Variants in HEATR5B observed in about 807,000 individuals in gnomAD.
HEATR5B encodes HEAT repeat containing 5B, also known as HEAT repeat-containing protein 5B.
Under a neutral mutation model 224.1 loss-of-function variants are expected in HEATR5B, and 156 were observed. That is an observed-to-expected ratio of 0.70 (90% CI 0.61 to 0.80). HEATR5B has a LOEUF of 0.80. Among genes scored for constraint, HEATR5B ranks in the 30% least tolerant of loss-of-function variants. The pLI, the probability that HEATR5B is intolerant of heterozygous loss-of-function variation, is 0.00. For synonymous variants in HEATR5B, 1,027 were observed against 893.0 expected (o/e 1.15, Z -2.68); for missense variants, 2,323 against 2,535.5 (o/e 0.92, Z 1.80).
At chr2:37,001,573 G>T (rs920328817) in intron 32 of HEATR5B, among the ~76,000 whole-genome samples, 1 of 151,530 alleles carries the variant, frequency 6.6e-6, no homozygotes, top group Non-Finnish European at 1.5e-5. Flanking sequence ...AAGAGGAATT[G>T]TCTTGAGCCA....
In HEATR5B at chr2:37,028,728, A is replaced by C; in HGVS notation, c.3554T>G (p.Leu1185Arg). ...HMLSSLAVEK[L>R]SHWLMLCKDV... ...TTTACAAAGCATTAGCCAATGAGAA[A>C]GTTTTTCTACTGCCAGCGAAGAAAG... The change falls in exon 23 of 36, where the codon CTT (leucine) becomes CGT (arginine). Residue 1185 changes from leucine (L) to arginine (R), a missense_variant. Transcript: ENST00000233099. 1 of 1,614,060 alleles carries C rather than the reference A, an allele frequency of 6.2e-7. No individual in the cohort carries two copies. Among genetic ancestry groups the C allele is most frequent in the Non-Finnish European group, 8.5e-7 (1 of 1,179,934 alleles).
At chr2:37,046,205 G>C (rs962385926) in intron 18 of HEATR5B, among the ~76,000 whole-genome samples, 1 of 152,144 alleles carries the variant, frequency 6.6e-6, no homozygotes, top group Admixed American at 6.5e-5. Context: ...ATTACTATTA[G>C]AAAACAGAAC....
intron 33 of HEATR5B, among the ~76,000 whole-genome samples, chr2:36,996,064 C>CTA (rs1666683026): frequency 7.3e-6 from 1 of 137,424 alleles, no homozygotes; most frequent in Non-Finnish European, 1.6e-5. Context: ...TAATGCAATT[C>CTA]TTTTTTTTTT....
intron 33 of HEATR5B, among the ~76,000 whole-genome samples, chr2:36,997,328 G>C (rs1003115619): frequency 5.9e-5 from 9 of 152,028 alleles, no homozygotes. Flanking sequence ...GGGACCACAT[G>C]TGTGTGCCAC....
intron 27 of HEATR5B, among the ~76,000 whole-genome samples, chr2:37,009,639 T>C (rs1667662701): frequency 6.6e-6 from 1 of 152,126 alleles, no homozygotes; most frequent in Non-Finnish European, 1.5e-5. Context: ...AAAAGAATAA[T>C]TCCATTTGCC....
intron 34 of HEATR5B, among the ~76,000 whole-genome samples, chr2:36,989,714 G>A (rs567466364): frequency 2.6e-5 from 4 of 151,522 alleles, no homozygotes; most frequent in African/African-American, 9.8e-5. Context: ...AGAGAGGGAG[G>A]GAAGTCCCAC....
At chr2:36,999,650 G>C (rs528794253) in intron 33 of HEATR5B, among the ~76,000 whole-genome samples, 5 of 151,532 alleles carry the variant, frequency 3.3e-5, no homozygotes, top group Admixed American at 6.6e-5. Flanking sequence ...GTGAACTCCA[G>C]ACTGGGCAAC....
intron 35 of HEATR5B, among the ~76,000 whole-genome samples, chr2:36,986,268 T>C (rs1435806702): frequency 1.3e-5 from 2 of 152,234 alleles, no homozygotes; most frequent in Non-Finnish European, 2.9e-5. Flanking sequence ...TAATTTCAAC[T>C]AAATTTATCA....
chr2:37,033,293 T>C (rs537466889), intron 21 of HEATR5B, among the ~76,000 whole-genome samples: 2 of 152,174 alleles, frequency 1.3e-5, no homozygotes, highest in Non-Finnish European at 2.9e-5. Context: ...ACTAATAAAA[T>C]ATACAAAAAA....
intron 2 of HEATR5B, among the ~76,000 whole-genome samples, chr2:37,081,548 C>T (rs948222781): frequency 9.9e-5 from 15 of 152,228 alleles, no homozygotes; most frequent in African/African-American, 3.6e-4. Context: ...TAAGAGATCA[C>T]GGTTTTTTTA....
Position 37,064,655 on chromosome 2 carries a change from C to T in HEATR5B, c.1584+85G>A. On this transcript the variant is annotated intron_variant, in intron 10 of 35. Transcript: ENST00000233099. ...CATAGTACAACTGTTATTTGACCAC[C>T]CTGTTCAACACTAAACACAGCAGCG... 3.6e-6 allele frequency: 5 copies of T among 1,373,106 alleles called. No individual in the cohort carries two copies. In the South Asian group the frequency reaches 3.8e-5, roughly 10 times the overall value. The allele number at this position is 1,373,106 out of a possible 1,614,324, so 85.1% of individuals were successfully genotyped here.
intron 35 of HEATR5B, among the ~76,000 whole-genome samples, chr2:36,985,063 T>C (rs1347370168): frequency 6.6e-6 from 1 of 152,204 alleles, no homozygotes; most frequent in Non-Finnish European, 1.5e-5. Flanking sequence ...TTATACCGGA[T>C]ACTGTAAAGT....
intron 16 of HEATR5B, 123 bp downstream of exon 16, chr2:37,056,317 G>C (rs1392208412): frequency 2.6e-5 from 15 of 587,592 alleles, no homozygotes; most frequent in African/African-American, 1.7e-4. Context: ...AAATCTGTAA[G>C]AGTACTGTTT....
At chr2:37,013,819 T>C (rs925896528) in intron 27 of HEATR5B, 22 bp downstream of exon 27, 11 of 1,518,060 alleles carry the variant, frequency 7.2e-6, no homozygotes, top group African/African-American at 4.2e-5. Flanking sequence ...TCAAAAACAA[T>C]AGATTGTGGT....
chr2:36,995,963 G>A (rs1290458235), intron 33 of HEATR5B, among the ~76,000 whole-genome samples: 3 of 151,580 alleles, frequency 2.0e-5, no homozygotes, highest in Non-Finnish European at 4.4e-5. Flanking sequence ...TGGGCTCACT[G>A]CAGCCTCTGC....
intron 33 of HEATR5B, among the ~76,000 whole-genome samples, chr2:36,997,119 T>C (rs191897321): frequency 6.6e-6 from 1 of 152,328 alleles, no homozygotes; most frequent in East Asian, 1.9e-4. Flanking sequence ...TTGTCAGTTT[T>C]TCAGCTGTCT....
Position 37,083,284 on chromosome 2 carries a change from C to T in HEATR5B, c.126+5G>A. 1 of 1,613,882 alleles carries T rather than the reference C, an allele frequency of 6.2e-7. No individual in the cohort carries two copies. ...TGCAACTGGGAAAAAAGAGCAATAC[C>T]ATACCTTGTTGGCAGCAACCAAGAC... is the stretch of plus-strand genomic sequence containing the variant. On this transcript the variant is annotated splice_donor_5th_base_variant and intron_variant, in intron 2 of 35. Transcript: ENST00000233099.
Position 36,998,152 on chromosome 2 carries a change from G to C in HEATR5B, c.5545+2434C>G, listed in dbSNP as rs114618437. On this transcript the variant is annotated intron_variant, in intron 33 of 35. Transcript: ENST00000233099. Reference sequence around the variant, plus strand: ...AGATAACGTGGAAATGTTTTAATAGGTGAGATGACAAATCCTTCTTTACTA... The same window carrying C: ...AGATAACGTGGAAATGTTTTAATAGCTGAGATGACAAATCCTTCTTTACTA... Among the ~76,000 whole-genome samples the C allele has an allele frequency of 3.0e-3, 451 of 152,230 alleles. 2 individuals carry two copies. The highest frequency in any genetic ancestry group is 4.9e-3 in the Non-Finnish European group (334 of 68,002).
At chr2:37,070,500 T>C (rs1671841890) in intron 6 of HEATR5B, 113 bp from the exon 7 acceptor site, 3 of 780,992 alleles carry the variant, frequency 3.8e-6, no homozygotes, top group East Asian at 2.8e-5. Flanking sequence ...AATGGTTTAG[T>C]TTCCTTATAA....
Sources: gnomAD v4.1 joint callset for allele counts (sites outside exome capture counted in the v4.1 genomes callset) on GRCh38, gnomAD v4.1.1 for gene constraint, MANE v1.5 for transcripts, NCBI Gene and HGNC (gene_info 2026-07-23, HGNC 2026-07-21) for gene names.